Variants in PIEZO1 observed in about 807,000 individuals in gnomAD.
PIEZO1 encodes piezo type mechanosensitive ion channel component 1 (Er blood group).
In PIEZO1, 296 loss-of-function variants were observed where a neutral mutation model predicts 297.2. The observed-to-expected ratio is 1.00, with a 90% confidence interval of 0.91 to 1.10. The LOEUF (loss-of-function observed/expected upper bound fraction) is 1.10. PIEZO1 is among the 50% of genes least tolerant of loss of function. The probability of loss-of-function intolerance (pLI) is 0.00; values close to 1 mark genes in which losing one functional copy is unlikely to be tolerated. For missense variants in PIEZO1, 5,018 were observed against 3,455.5 expected (o/e 1.45, Z -11.34); for synonymous variants, 2,427 against 1,507.5 (o/e 1.61, Z -14.13).
At chr16:88,742,831 C>G (rs918374406) in intron 2 of PIEZO1, 3 of 347,692 alleles carry the variant, frequency 8.6e-6, no homozygotes, top group African/African-American at 2.1e-5. Context: ...TGGATGGAGA[C>G]CAGAGCATGC....
intron 1 of PIEZO1, among the ~76,000 whole-genome samples, chr16:88,762,624 A>T (rs1906984670): frequency 6.6e-6 from 1 of 152,198 alleles, no homozygotes. Flanking sequence ...CAAGGCAAGG[A>T]AGGGGCAGCC....
In PIEZO1 at chr16:88,765,231, C is replaced by T. The variant is rs536054981; in HGVS notation, c.65-15752G>A. 1.1e-4 allele frequency among the ~76,000 whole-genome samples: 16 copies of T among 152,340 alleles called. No homozygotes were observed. The South Asian group carries it at 3.1e-3, about 30-fold the overall frequency. On this transcript the variant is annotated intron_variant, in intron 1 of 50. Coordinates refer to ENST00000301015, the MANE Select transcript of PIEZO1 (RefSeq NM_001142864.4). ...AGGAATGCAACCTGGCCACCTCCCT[C>T]GCAGGCAGGAGGGGAGTCACCAGCC...
At chr16:88,769,918 G>C (rs1045833822) in intron 1 of PIEZO1, among the ~76,000 whole-genome samples, 2 of 152,150 alleles carry the variant, frequency 1.3e-5, no homozygotes, top group Non-Finnish European at 2.9e-5. Flanking sequence ...AGATCCCCTA[G>C]GGGGTCACAC....
intron 10 of PIEZO1, chr16:88,737,349 T>C: frequency 1.9e-6 from 1 of 539,318 alleles, no homozygotes; most frequent in South Asian, 2.1e-5. Flanking sequence ...CCTGGGGGTC[T>C]TGGGGGTTGG....
intron 22 of PIEZO1, chr16:88,727,939 C>T (rs1597451600): frequency 6.9e-6 from 2 of 289,250 alleles, no homozygotes; most frequent in Non-Finnish European, 6.4e-6. Flanking sequence ...GTGGCCCACA[C>T]GGCGTCATAT....
In PIEZO1 at chr16:88,720,327, G is replaced by A. The variant is rs541853887; in HGVS notation, c.5950-44C>T. ...AGGTCAGGGGGAGCCAAGCCCAGGG[G>A]ATGTGGGTGGCTGCTGAGCTCTGCG... is the stretch of plus-strand genomic sequence containing the variant. On this transcript the variant is annotated intron_variant, in intron 41 of 50. Transcript: ENST00000301015. 1.2e-5 allele frequency: 19 copies of A among 1,549,900 alleles called. No homozygotes were observed. The East Asian group carries it at 3.9e-4, about 32-fold the overall frequency.
At chr16:88,727,914 T>C in intron 22 of PIEZO1, 1 of 326,692 alleles carries the variant, frequency 3.1e-6, no homozygotes, top group East Asian at 4.7e-5. Context: ...GGGTGGGGGC[T>C]GCTGGGCCTG....
Position 88,733,665 on chromosome 16 carries a change from C to G in PIEZO1, c.2410G>C (p.Val804Leu). 1 of 1,549,870 alleles carries G rather than the reference C, an allele frequency of 6.5e-7. No individual in the cohort carries two copies. Among genetic ancestry groups the G allele is most frequent in the Non-Finnish European group, 8.7e-7 (1 of 1,146,668 alleles). Reference sequence around the variant, plus strand: ...AGCTCCAGCAGCCGCCGCAGGAACACCTGCACGCGTGAGAGGACGTCCGAG... The same window carrying G: ...AGCTCCAGCAGCCGCCGCAGGAACAGCTGCACGCGTGAGAGGACGTCCGAG... ...GFSDVLSRVQ[V>L]FLRRLLELHV... The change falls in exon 18 of 51, where the codon GTG becomes CTG. Residue 804 changes from valine to leucine, a missense_variant. Coordinates refer to ENST00000301015, the MANE Select transcript of PIEZO1 (RefSeq NM_001142864.4).
At position 88,741,573 on chromosome 16, in the gene PIEZO1, G is replaced by A. The variant is rs920496810; in HGVS notation, c.370C>T (p.Pro124Ser). Reference protein sequence around the residue: ...DIPNAIRLVAPDLGILVVSSV... With the variant: ...DIPNAIRLVASDLGILVVSSV... ...GAGACCACCAAGATGCCCAGGTCAG[G>A]GGCCACCAGCCGGATGGCGTTGGGG... The change falls in exon 5 of 51, where the codon CCT becomes TCT. Residue 124 changes from proline (P) to serine (S), a missense_variant. Physicochemically the swap from Pro to Ser is moderately conservative, Grantham distance 74. Transcript: ENST00000301015. 6.5e-7 allele frequency: 1 copy of A among 1,535,748 alleles called. No homozygotes were observed. Among genetic ancestry groups the A allele is most frequent in the Non-Finnish European group, 8.7e-7 (1 of 1,146,808 alleles).
At chr16:88,725,148 T>G in intron 29 of PIEZO1, 68 bp from the exon 30 acceptor site, 5 of 1,138,774 alleles carry the variant, frequency 4.4e-6, no homozygotes, top group Non-Finnish European at 6.2e-6. Flanking sequence ...CTGTGAGTGC[T>G]CCCGTCTTGG....
intron 9 of PIEZO1, 24 bp from the exon 10 acceptor site, chr16:88,737,670 A>C (rs1397449310): frequency 6.5e-7 from 1 of 1,533,594 alleles, no homozygotes; most frequent in East Asian, 2.4e-5. Context: ...GCGCTGAGCC[A>C]TGCACGGGCT....
intron 22 of PIEZO1, among the ~76,000 whole-genome samples, chr16:88,730,789 G>C (rs1269937734): frequency 3.3e-5 from 5 of 152,212 alleles, no homozygotes; most frequent in African/African-American, 7.2e-5. Context: ...CCACTCAGCA[G>C]AGGGGAGGCC....
chr16:88,768,699 G>A (rs924193096), intron 1 of PIEZO1, among the ~76,000 whole-genome samples: 9 of 152,182 alleles, frequency 5.9e-5, no homozygotes, highest in Admixed American at 2.0e-4. Context: ...GGATGGATGC[G>A]CCCTTCCTGG....
At chr16:88,719,770 C>G in intron 43 of PIEZO1, 32 bp downstream of exon 43, 1 of 1,550,292 alleles carries the variant, frequency 6.5e-7, no homozygotes. Context: ...ATGCCCGGGC[C>G]GTGACCCCCA....
At chr16:88,736,592 C>T (rs1303651883) in intron 11 of PIEZO1, 47 bp downstream of exon 11, 1 of 1,480,886 alleles carries the variant, frequency 6.8e-7, no homozygotes, top group African/African-American at 1.4e-5. Context: ...TGCCCCACAC[C>T]TGCGCGGCAG....
In PIEZO1 at chr16:88,734,956, G is replaced by C. The variant is rs910864671; in HGVS notation, c.1767C>G (p.Ile589Met). The change falls in exon 14 of 51, where the codon ATC (isoleucine) becomes ATG (methionine). Residue 589 changes from isoleucine (I) to methionine (M), a missense_variant. Physicochemically the swap from Ile to Met is conservative, Grantham distance 10. Coordinates refer to ENST00000301015, the MANE Select transcript of PIEZO1 (RefSeq NM_001142864.4). ...CGAGGCGGCCGGCGAAGCTGACCACGATGAACATGCCAGCACACACATAGA... is the reference window on the plus strand; with the variant it reads ...CGAGGCGGCCGGCGAAGCTGACCACCATGAACATGCCAGCACACACATAGA... Reference protein sequence around the residue: ...YWIYVCAGMFIVVSFAGRLVV... With the variant: ...YWIYVCAGMFMVVSFAGRLVV... The C allele has an allele frequency of 1.9e-6, 3 of 1,550,516 alleles. No individual in the cohort carries two copies. Among genetic ancestry groups the C allele is most frequent in the Non-Finnish European group, 8.7e-7 (1 of 1,146,972 alleles).
Position 88,766,632 on chromosome 16 carries a change from G to C in PIEZO1, c.65-17153C>G, listed in dbSNP as rs1479250585. Among the ~76,000 whole-genome samples the C allele has an allele frequency of 2.0e-5, 3 of 152,334 alleles. No individual in the cohort carries two copies. In the East Asian group the frequency reaches 5.8e-4, roughly 29 times the overall value. ...CTTGACAGCCAGCTCTGCTGCCACA[G>C]GGCTGGGGCGAGTGGGACGCCGGGG... On this transcript the variant is annotated intron_variant, in intron 1 of 50. Coordinates refer to ENST00000301015, the MANE Select transcript of PIEZO1 (RefSeq NM_001142864.4).
At chr16:88,757,327 T>TTGCTGGGGGGGGGGGGG (rs1906720153) in intron 1 of PIEZO1, among the ~76,000 whole-genome samples, 1 of 42,700 alleles carries the variant, frequency 2.3e-5, no homozygotes, top group Non-Finnish European at 5.2e-5. Context: ...GGCGGGGGGG[T>TTGCTGGGGGGGGGGGGG]GGGGGGTAGT....
chr16:88,732,619 C>G lies in PIEZO1; in HGVS notation c.2778G>C (p.Leu926=). 6.5e-7 allele frequency: 1 copy of G among 1,549,236 alleles called. No homozygotes were observed. The highest frequency in any genetic ancestry group is 8.7e-7 in the Non-Finnish European group (1 of 1,146,234). Residue 926 remains leucine (L), a synonymous_variant, in exon 20 of 51, where the codon CTG becomes CTC. Coordinates refer to ENST00000301015, the MANE Select transcript of PIEZO1 (RefSeq NM_001142864.4). ...WFGVRKGFPN[L]GYIQNHLQVL... is the part of the protein sequence containing the mutation. ...CCCTTCAACTCACCTGGATGTAGCC[C>G]AGGTTGGGGAACCCTTTCCGCACCC...
Sources: allele counts gnomAD v4.1 joint callset (sites outside exome capture counted in the v4.1 genomes callset), GRCh38; gene constraint gnomAD v4.1.1; transcripts MANE v1.5; gene names NCBI Gene and HGNC (gene_info 2026-07-23, HGNC 2026-07-21).